Variants in POU6F2 observed in about 807,000 individuals in gnomAD.
The protein encoded by POU6F2 is POU class 6 homeobox 2.
In POU6F2, 31 loss-of-function variants were observed where a neutral mutation model predicts 71.3. The observed-to-expected ratio is 0.43, with a 90% CI of 0.33 to 0.59. The LOEUF (loss-of-function observed/expected upper bound fraction) is 0.59. Among genes scored for constraint, POU6F2 ranks in the 20% least tolerant of loss-of-function variants. The probability of loss-of-function intolerance (pLI) is 0.04; values close to 1 mark genes in which losing one functional copy is unlikely to be tolerated. For synonymous variants in POU6F2, 347 were observed against 355.7 expected (o/e 0.98, Z 0.27); for missense variants, 783 against 856.8 (o/e 0.91, Z 1.07).
chr7:39,371,938 C>G (rs74495502), intron 5 of POU6F2, among the ~76,000 whole-genome samples: 1,929 of 152,082 alleles, frequency 0.013, 35 homozygotes, highest in African/African-American at 0.044. Flanking sequence ...TTTTTCAAGA[C>G]AGGATCTTGC....
At chr7:39,326,018 A>G (rs1293530439) in intron 4 of POU6F2, among the ~76,000 whole-genome samples, 1 of 152,222 alleles carries the variant, frequency 6.6e-6, no homozygotes, top group Admixed American at 6.5e-5. Flanking sequence ...ACCCATGCTC[A>G]ATAAATGTTA....
At chr7:39,333,108 C>A (rs927075245) in intron 4 of POU6F2, among the ~76,000 whole-genome samples, 1 of 152,130 alleles carries the variant, frequency 6.6e-6, no homozygotes, top group African/African-American at 2.4e-5. Flanking sequence ...AGTGCTTAGC[C>A]CCCGCCCCCA....
intron 1 of POU6F2, among the ~76,000 whole-genome samples, chr7:38,993,285 T>C (rs539593146): frequency 6.6e-6 from 1 of 152,050 alleles, no homozygotes; most frequent in South Asian, 2.1e-4. Flanking sequence ...GTATAAGAAA[T>C]TAAGGAAAAA....
At chr7:39,227,551 CTT>C (rs34830334) in intron 4 of POU6F2, among the ~76,000 whole-genome samples, 3 of 108,998 alleles carry the variant, frequency 2.8e-5, no homozygotes, top group Non-Finnish European at 1.8e-5. Flanking sequence ...ACATTGGTAC[CTT>C]TTTTTTTTTT....
intron 5 of POU6F2, among the ~76,000 whole-genome samples, chr7:39,350,511 A>G (rs1251103958): frequency 2.6e-5 from 4 of 152,242 alleles, no homozygotes; most frequent in Non-Finnish European, 2.9e-5. Flanking sequence ...TCTCACCTCC[A>G]GTAGTCTGCA....
At chr7:39,235,186 A>G (rs931967096) in intron 4 of POU6F2, among the ~76,000 whole-genome samples, 2 of 152,048 alleles carry the variant, frequency 1.3e-5, no homozygotes, top group Non-Finnish European at 2.9e-5. Flanking sequence ...TGCTGCTCAC[A>G]TGCTCATCTT....
chr7:39,367,197 T>C (rs1583554127), intron 5 of POU6F2, among the ~76,000 whole-genome samples: 2 of 152,320 alleles, frequency 1.3e-5, no homozygotes, highest in East Asian at 3.9e-4. Context: ...TTGGGAATTA[T>C]TTCCTTTCCT....
chr7:39,223,606 T>C (rs1347386338), intron 4 of POU6F2, among the ~76,000 whole-genome samples: 6 of 152,144 alleles, frequency 3.9e-5, no homozygotes, highest in Non-Finnish European at 1.5e-5. Context: ...AATCATCCTG[T>C]TTTTCTTTGC....
At chr7:39,441,387 A>G (rs905877694) in intron 7 of POU6F2, among the ~76,000 whole-genome samples, 7 of 152,028 alleles carry the variant, frequency 4.6e-5, no homozygotes, top group Admixed American at 6.5e-5. Flanking sequence ...GAGTCAAGTC[A>G]TGAGTACATT....
chr7:39,040,663 T>A (rs1445384313), intron 1 of POU6F2, among the ~76,000 whole-genome samples: 1 of 151,994 alleles, frequency 6.6e-6, no homozygotes, highest in African/African-American at 2.4e-5. Flanking sequence ...TTCTTTTTTA[T>A]ATTTTGTATT....
intron 4 of POU6F2, among the ~76,000 whole-genome samples, chr7:39,326,792 G>A (rs547926760): frequency 6.6e-6 from 1 of 152,276 alleles, no homozygotes; most frequent in East Asian, 1.9e-4. Context: ...GCTCCTCACA[G>A]CTGAAAATCC....
chr7:39,013,989 G>T (rs950354289), intron 1 of POU6F2, among the ~76,000 whole-genome samples: 1 of 152,102 alleles, frequency 6.6e-6, no homozygotes, highest in African/African-American at 2.4e-5. Context: ...TCAGAGGAAT[G>T]AGAGAGTCCT....
At chr7:39,147,873 G>A (rs909554575) in intron 2 of POU6F2, among the ~76,000 whole-genome samples, 2 of 152,076 alleles carry the variant, frequency 1.3e-5, no homozygotes, top group African/African-American at 4.8e-5. Context: ...TAGAAGAGAT[G>A]GAAATCTGCA....
intron 6 of POU6F2, among the ~76,000 whole-genome samples, chr7:39,413,084 G>T (rs565749498): frequency 1.3e-5 from 2 of 151,768 alleles, no homozygotes; most frequent in South Asian, 4.2e-4. Context: ...GATTACAGGC[G>T]TGAGCCACCG....
At chr7:39,454,726 AT>A (rs1788758662) in intron 8 of POU6F2, among the ~76,000 whole-genome samples, 3 of 102,210 alleles carry the variant, frequency 2.9e-5, no homozygotes, top group Non-Finnish European at 4.0e-5. Context: ...ATATATATAT[AT>A]AAAATAAGAT....
intron 4 of POU6F2, among the ~76,000 whole-genome samples, chr7:39,244,409 A>T (rs1223675768): frequency 6.6e-6 from 1 of 152,182 alleles, no homozygotes; most frequent in African/African-American, 2.4e-5. Flanking sequence ...TGTGACCATG[A>T]TGAATTTCTT....
intron 5 of POU6F2, among the ~76,000 whole-genome samples, chr7:39,345,016 G>A (rs905000330): frequency 3.9e-5 from 6 of 152,116 alleles, no homozygotes; most frequent in Non-Finnish European, 8.8e-5. Flanking sequence ...TTCAGATAAT[G>A]TTTGAATGAA....
chr7:39,080,771 T>C (rs749859364), intron 1 of POU6F2, among the ~76,000 whole-genome samples: 17 of 152,190 alleles, frequency 1.1e-4, no homozygotes, highest in Non-Finnish European at 2.2e-4. Context: ...GAGATGTGGG[T>C]ATTTCCATCA....
intron 1 of POU6F2, among the ~76,000 whole-genome samples, chr7:39,032,702 A>G (rs1789972119): frequency 1.3e-5 from 2 of 152,310 alleles, no homozygotes; most frequent in East Asian, 3.9e-4. Flanking sequence ...TGCAGGACAC[A>G]TGATGTTCAG....
Sources: gnomAD v4.1 joint callset for allele counts (sites outside exome capture counted in the v4.1 genomes callset) on GRCh38, gnomAD v4.1.1 for gene constraint, MANE v1.5 for transcripts, NCBI Gene and HGNC (gene_info 2026-07-23, HGNC 2026-07-21) for gene names.